The following SUFU variants were observed in gnomAD, a reference collection of about 807,000 sequenced individuals.
SUFU encodes SUFU negative regulator of hedgehog signaling, also known as suppressor of fused homolog.
Under a neutral mutation model 58.9 loss-of-function variants are expected in SUFU, and 7 were observed. That is an observed-to-expected ratio of 0.12 (90% CI 0.07 to 0.22). The LOEUF is 0.22. Ranked by LOEUF, SUFU falls within the 10% of genes least tolerant of loss-of-function variation. The pLI is 1.00. For synonymous variants in SUFU, 232 were observed against 254.8 expected (o/e 0.91, Z 0.85); for missense variants, 451 against 641.3 (o/e 0.70, Z 3.20).
At chr10:102,564,623 G>A (rs879498778) in intron 3 of SUFU, among the ~76,000 whole-genome samples, 27 of 152,090 alleles carry the variant, frequency 1.8e-4, no homozygotes, top group Admixed American at 1.7e-3. Flanking sequence ...ATGAGCCGTC[G>A]CACCCAACCT....
rs1050281943 is a variant in SUFU at position 102,615,540 on chromosome 10, C to T, written c.1157+138C>T. 6.8e-6 allele frequency: 9 copies of T among 1,319,258 alleles called. No homozygotes were observed. In the African/African-American group the frequency reaches 1.0e-4, roughly 15 times the overall value. 81.7% of individuals were successfully genotyped at this position (1,319,258 alleles called of 1,614,324 possible). Reference sequence around the variant, plus strand: ...CCAAGGAGCCACCAGGCCCGTGCTTCCCGTCTCCCTGTCTCCCTGATGAGG... The same window carrying T: ...CCAAGGAGCCACCAGGCCCGTGCTTTCCGTCTCCCTGTCTCCCTGATGAGG... On this transcript the variant is annotated intron_variant, in intron 9 of 11. Coordinates refer to ENST00000369902, the MANE Select transcript of SUFU (RefSeq NM_016169.4).
intron 2 of SUFU, among the ~76,000 whole-genome samples, chr10:102,535,528 A>G (rs2062728449): frequency 6.6e-6 from 1 of 152,002 alleles, no homozygotes; most frequent in Non-Finnish European, 1.5e-5. Context: ...AAAGAAAGAA[A>G]TAAGAGCTTT....
At chr10:102,570,179 G>A (rs1295155572) in intron 3 of SUFU, among the ~76,000 whole-genome samples, 1 of 152,052 alleles carries the variant, frequency 6.6e-6, no homozygotes, top group Non-Finnish European at 1.5e-5. Flanking sequence ...GGGGATTTAA[G>A]CGCTGGGTGT....
intron 8 of SUFU, among the ~76,000 whole-genome samples, chr10:102,611,938 G>A (rs2063628225): frequency 1.3e-5 from 2 of 152,172 alleles, no homozygotes; most frequent in Admixed American, 6.5e-5. Flanking sequence ...AGCCCCCAAA[G>A]CCATGCCTTC....
chr10:102,580,807 C>T (rs1312580841), intron 3 of SUFU, among the ~76,000 whole-genome samples: 2 of 151,976 alleles, frequency 1.3e-5, no homozygotes, highest in East Asian at 1.9e-4. Context: ...TGTGCTACAC[C>T]CTGTGGCCTA....
intron 2 of SUFU, among the ~76,000 whole-genome samples, chr10:102,529,745 G>T (rs2135692456): frequency 6.6e-6 from 1 of 152,154 alleles, no homozygotes; most frequent in African/African-American, 2.4e-5. Flanking sequence ...AAGAGATCAA[G>T]ACCATCCTGG....
chr10:102,544,957 T>G (rs1345620339), intron 2 of SUFU, among the ~76,000 whole-genome samples: 2 of 152,228 alleles, frequency 1.3e-5, no homozygotes, highest in Non-Finnish European at 2.9e-5. Context: ...TCATTCTTTT[T>G]TATTTCCAAG....
At chr10:102,551,717 C>CTTTTTT (rs771685480) in intron 3 of SUFU, among the ~76,000 whole-genome samples, 2 of 68,742 alleles carry the variant, frequency 2.9e-5, no homozygotes, top group Non-Finnish European at 2.6e-5. Context: ...TATGTGCCTT[C>CTTTTTT]TTTTTTTTTT....
In SUFU at chr10:102,504,079, G is replaced by T. The variant is rs1026438803; in HGVS notation, c.-74G>T. ...TCGGGGAGTCTCACCCACCGAGTCC[G>T]CCCGCTGGCCCGTCAGTGCTCTCCC... On this transcript the variant is annotated 5_prime_UTR_variant, in exon 1 of 12. Transcript: ENST00000369902. The T allele has an allele frequency of 2.0e-6, 3 of 1,478,134 alleles. No individual in the cohort carries two copies. Among genetic ancestry groups the T allele is most frequent in the African/African-American group, 1.4e-5 (1 of 70,924 alleles). 91.6% of individuals were successfully genotyped at this position (1,478,134 alleles called of 1,614,324 possible). A position where few individuals can be genotyped will look rare whatever the true frequency, so the allele number is the denominator to read the frequency against.
At position 102,615,273 on chromosome 10, in the gene SUFU, G is replaced by T. The variant is rs79299301; in HGVS notation, c.1028G>T (p.Arg343Leu). Reference sequence around the variant, plus strand: ...TTCCTGTGCTTGCTTCACAGGAGCCGCAAAGACAGCCTGGAAAGTGACAGC... The same window carrying T: ...TTCCTGTGCTTGCTTCACAGGAGCCTCAAAGACAGCCTGGAAAGTGACAGC... ...NGLAHDRAPSRKDSLESDSST... is the reference protein window; with the variant it reads ...NGLAHDRAPSLKDSLESDSST... Residue 343 changes from arginine to leucine, a missense_variant, in exon 9 of 12, where the codon CGC becomes CTC. Arg to Leu is a moderately radical substitution (Grantham distance 102). Transcript: ENST00000369902. 3.0e-5 allele frequency: 49 copies of T among 1,614,080 alleles called. No individual in the cohort carries two copies. In the East Asian group the frequency reaches 9.6e-4, roughly 32 times the overall value.
At chr10:102,580,323 C>G (rs565507527) in intron 3 of SUFU, among the ~76,000 whole-genome samples, 1 of 152,290 alleles carries the variant, frequency 6.6e-6, no homozygotes, top group South Asian at 2.1e-4. Flanking sequence ...GGGAATTACG[C>G]AGGATGTGTT....
In SUFU at chr10:102,504,112, T is replaced by C. The variant is rs1369720313; in HGVS notation, c.-41T>C. Reference sequence around the variant, plus strand: ...GCCCGTCAGTGCTCTCCCCGTCGTTTGCCCTCTCCAGTTCCCCCAGTGCCT... The same window carrying C: ...GCCCGTCAGTGCTCTCCCCGTCGTTCGCCCTCTCCAGTTCCCCCAGTGCCT... On this transcript the variant is annotated 5_prime_UTR_variant, in exon 1 of 12. Transcript: ENST00000369902. The C allele has an allele frequency of 6.6e-7, 1 of 1,523,422 alleles. No homozygotes were observed. The highest frequency in any genetic ancestry group is 8.8e-7 in the Non-Finnish European group (1 of 1,140,232). The allele number at this position is 1,523,422 out of a possible 1,614,324, so 94.4% of individuals were successfully genotyped here. A position where few individuals can be genotyped will look rare whatever the true frequency, so the allele number is the denominator to read the frequency against.
chr10:102,599,955 G>T (rs2063501619), intron 8 of SUFU, among the ~76,000 whole-genome samples: 1 of 152,074 alleles, frequency 6.6e-6, no homozygotes, highest in Admixed American at 6.5e-5. Context: ...AACCCTGGGG[G>T]CCTCCCTCTC....
At chr10:102,546,387 A>G (rs1295916743) in intron 2 of SUFU, among the ~76,000 whole-genome samples, 1 of 152,218 alleles carries the variant, frequency 6.6e-6, no homozygotes, top group Non-Finnish European at 1.5e-5. Flanking sequence ...TATAGGAAGA[A>G]ATTCCACTGG....
chr10:102,620,328 A>G (rs568498716), intron 10 of SUFU, among the ~76,000 whole-genome samples: 1 of 152,350 alleles, frequency 6.6e-6, no homozygotes, highest in East Asian at 1.9e-4. Context: ...AGGAAAAGGC[A>G]GAAGGTTTAG....
intron 3 of SUFU, among the ~76,000 whole-genome samples, chr10:102,568,929 T>TAG (rs1564685720): frequency 3.0e-5 from 1 of 32,838 alleles, no homozygotes; most frequent in Non-Finnish European, 5.6e-5. Context: ...TACACATATA[T>TAG]ATATATATAT....
chr10:102,571,777 C>T (rs577408688), intron 3 of SUFU, among the ~76,000 whole-genome samples: 1 of 152,220 alleles, frequency 6.6e-6, no homozygotes, highest in African/African-American at 2.4e-5. Flanking sequence ...TCTAGGTCCT[C>T]TGGCCAGGGC....
At chr10:102,595,339 C>G (rs1488693930) in intron 6 of SUFU, among the ~76,000 whole-genome samples, 1 of 152,208 alleles carries the variant, frequency 6.6e-6, no homozygotes, top group Non-Finnish European at 1.5e-5. Context: ...GCCTTTAACA[C>G]TGAACATTTC....
intron 1 of SUFU, among the ~76,000 whole-genome samples, chr10:102,508,030 A>G (rs2062351620): frequency 6.8e-6 from 1 of 146,830 alleles, no homozygotes; most frequent in African/African-American, 2.6e-5. Flanking sequence ...CAGTGGCGCA[A>G]TCTTGGCTCC....
Sources: allele counts gnomAD v4.1 joint callset (sites outside exome capture counted in the v4.1 genomes callset), GRCh38; gene constraint gnomAD v4.1.1; transcripts MANE v1.5; gene names NCBI Gene and HGNC (gene_info 2026-07-23, HGNC 2026-07-21).